The following P2RX6 variants were observed in gnomAD, a reference collection of about 807,000 sequenced individuals.
The protein encoded by P2RX6 is P2X purinoceptor 6.
P2RX6 carries 62 observed loss-of-function variants against 54.2 expected under a neutral mutation model. The ratio of observed to expected loss-of-function variants is 1.14; its 90% CI spans 0.93 to 1.41. The LOEUF is 1.41. Among genes scored for constraint, P2RX6 ranks in the 40% most tolerant of loss-of-function variants. The pLI, the probability that P2RX6 is intolerant of heterozygous loss-of-function variation, is 0.00. For synonymous variants in P2RX6, 211 were observed against 231.9 expected (o/e 0.91, Z 0.82); for missense variants, 541 against 566.3 (o/e 0.96, Z 0.45).
At chr22:21,011,647 T>G, upstream of P2RX6, 1 of 639,930 alleles carries the variant, frequency 1.6e-6, no homozygotes, top group Non-Finnish European at 2.9e-6. Flanking sequence ...ACCACCCCCC[T>G]CCCCCCTCTT....
At position 21,022,958 on chromosome 22, in the gene P2RX6, G is replaced by T. The variant is rs774749578; in HGVS notation, c.480G>T (p.Gln160His). 1.2e-6 allele frequency: 2 copies of T among 1,613,770 alleles called. No individual in the cohort carries two copies. The highest frequency in any genetic ancestry group is 1.7e-6 in the Non-Finnish European group (2 of 1,179,672). ...GTHSHGVKTGQCVVFNGTHRT... is the reference protein window; with the variant it reads ...GTHSHGVKTGHCVVFNGTHRT... ...GTTTTCTAGGTGTAAAAACAGGCCA[G>T]TGTGTGGTGTTCAATGGGACCCACA... The change falls in exon 5 of 12, where the codon CAG becomes CAT. Residue 160 changes from glutamine to histidine, a missense_variant. This residue lies in a region of P2RX6 where 526 missense variants were observed against 531.5 expected (regional missense o/e 0.99). Coordinates refer to ENST00000413302, the MANE Select transcript of P2RX6 (RefSeq NM_005446.5).
rs749384692 is a variant in P2RX6 at position 21,016,021 on chromosome 22, G to A, written c.244G>A (p.Val82Ile). The A allele has an allele frequency of 4.8e-5, 75 of 1,554,144 alleles. No homozygotes were observed. The highest frequency in any genetic ancestry group is 6.4e-5 in the Non-Finnish European group (73 of 1,149,510). ...TTCCATCATCACCAAACTCAAAGGG[G>A]TTTCCGTCACTCAGATCAAGGAGCT... is the stretch of plus-strand genomic sequence containing the variant. ...QFSIITKLKG[V>I]SVTQIKELGN... Residue 82 changes from valine (V) to isoleucine (I), a missense_variant, in exon 2 of 12, where the codon GTT becomes ATT. Around this residue, in one of 2 missense-constraint regions of P2RX6, gnomAD observed 526 missense variants for 531.5 expected, o/e 0.99. Transcript: ENST00000413302.
At position 21,024,063 on chromosome 22, in the gene P2RX6, C is replaced by T. The variant is rs568541262; in HGVS notation, c.890+445C>T. Reference sequence around the variant, plus strand: ...CTCTGCTTCCTGGGTTCAACCGATTCTCCTTCCTCAGCCTCCTGAGTAGCT... The same window carrying T: ...CTCTGCTTCCTGGGTTCAACCGATTTTCCTTCCTCAGCCTCCTGAGTAGCT... On this transcript the variant is annotated intron_variant, in intron 8 of 11. Coordinates refer to ENST00000413302, the MANE Select transcript of P2RX6 (RefSeq NM_005446.5). 2.6e-5 allele frequency among the ~76,000 whole-genome samples: 4 copies of T among 151,068 alleles called. No individual in the cohort carries two copies. In the South Asian group the frequency reaches 6.3e-4, roughly 24 times the overall value.
In P2RX6 at chr22:21,016,054, C is replaced by G. The variant is rs375808734; in HGVS notation, c.277C>G (p.Arg93Gly). ...CACTCAGATCAAGGAGCTTGGAAAC[C>G]GGCTGTGGGATGTGGCCGACTTCGT... ...SVTQIKELGNRLWDVADFVKP... is the reference protein window; with the variant it reads ...SVTQIKELGNGLWDVADFVKP... Residue 93 changes from arginine (R) to glycine (G), a missense_variant, in exon 2 of 12, where the codon CGG (arginine) becomes GGG (glycine). Physicochemically the swap from Arg to Gly is moderately radical, Grantham distance 125. Coordinates refer to ENST00000413302, the MANE Select transcript of P2RX6 (RefSeq NM_005446.5). 5.1e-6 allele frequency: 8 copies of G among 1,562,582 alleles called. No homozygotes were observed. The highest frequency in any genetic ancestry group is 2.3e-4 in the Middle Eastern group (1 of 4,404).
At chr22:21,012,331 T>C (rs1925779908), upstream of P2RX6, among the ~76,000 whole-genome samples, 1 of 152,098 alleles carries the variant, frequency 6.6e-6, no homozygotes. Context: ...AGGAAGGGAC[T>C]TGTATCCAGC....
chr22:21,024,898 T>TTTTA lies in P2RX6; in HGVS notation c.891-907_891-906insTTTA, dbSNP rs1207446357. On this transcript the variant is annotated intron_variant, in intron 8 of 11. Transcript: ENST00000413302. ...TTTGTGTTTTTTTTTTTTTTTTTTT[T>TTTTA]AGATGAAGTTTTGCTCTTGTTGCCC... Among the ~76,000 whole-genome samples, 3 of 147,740 alleles carry TTTTA rather than the reference T, an allele frequency of 2.0e-5. No individual in the cohort carries two copies. The East Asian group carries it at 6.0e-4, about 30-fold the overall frequency.
Position 21,025,890 on chromosome 22 carries a change from A to G in P2RX6, c.976A>G (p.Thr326Ala). Reference sequence around the variant, plus strand: ...TGGAATCCGCTTCGACATCCTCGTCACCGGGCAGGTAGGCACAGGTAGGGG... The same window carrying G: ...TGGAATCCGCTTCGACATCCTCGTCGCCGGGCAGGTAGGCACAGGTAGGGG... ...LYGIRFDILV[T>A]GQAGKFGLIP... Residue 326 changes from threonine (T) to alanine (A), a missense_variant, in exon 9 of 12, where the codon ACC (threonine) becomes GCC (alanine). Physicochemically the swap from Thr to Ala is moderately conservative, Grantham distance 58. Coordinates refer to ENST00000413302, the MANE Select transcript of P2RX6 (RefSeq NM_005446.5). 1 of 1,577,882 alleles carries G rather than the reference A, an allele frequency of 6.3e-7. No homozygotes were observed. The highest frequency in any genetic ancestry group is 8.6e-7 in the Non-Finnish European group (1 of 1,162,288).
chr22:21,026,102 G>A lies in P2RX6; in HGVS notation c.1050+26G>A, dbSNP rs745869752. On this transcript the variant is annotated intron_variant, in intron 10 of 11. Coordinates refer to ENST00000413302, the MANE Select transcript of P2RX6 (RefSeq NM_005446.5). This position sits in a 1 kb window ranked among gnomAD's most constrained non-coding sequence, Gnocchi z 4.0. ...GTGAGTGCGAGCACTGTGGGCACCT[G>A]CAGGCTGCAGTGAGTGCTGCTGACC... The A allele has an allele frequency of 2.7e-5, 43 of 1,598,598 alleles. No homozygotes were observed. The South Asian group carries it at 4.7e-4, about 18-fold the overall frequency.
rs759401299 is a variant in P2RX6 at position 21,015,204 on chromosome 22, C to T, written c.30C>T (p.Ser10=). 26 of 1,519,772 alleles carry T rather than the reference C, an allele frequency of 1.7e-5. No homozygotes were observed. The highest frequency in any genetic ancestry group is 2.0e-5 in the Non-Finnish European group (23 of 1,143,204). The allele number at this position is 1,519,772 out of a possible 1,614,324, so 94.1% of individuals were successfully genotyped here. MCPQLAGAG[S]MGSPGATTGW... ...GCCCGCAGCTAGCAGGAGCTGGCAG[C>T]ATGGGCTCCCCAGGGGCTACGACAG... The change falls in exon 1 of 12, where the codon AGC becomes AGT. Residue 10 remains serine, a synonymous_variant. Transcript: ENST00000413302.
At chr22:21,023,955 CTTTG>C (rs1023784596) in intron 8 of P2RX6, among the ~76,000 whole-genome samples, 14 of 126,428 alleles carry the variant, frequency 1.1e-4, no homozygotes, top group Non-Finnish European at 1.9e-4. Context: ...TCCCCTTCAG[CTTTG>C]TTTTTTTTTT....
upstream of P2RX6, chr22:21,011,306 G>A (rs910702363): frequency 8.7e-5 from 51 of 583,956 alleles, 3 homozygotes; most frequent in Non-Finnish European, 8.6e-5. Flanking sequence ...GATGTGCAGC[G>A]CGGTCCTGCC....
upstream of P2RX6, chr22:21,013,197 A>G (rs191950916): frequency 3.2e-3 from 512 of 161,972 alleles, 1 homozygote; most frequent in African/African-American, 0.011. Flanking sequence ...GGTAGGAGAC[A>G]GGGGGATGAA....
upstream of P2RX6, chr22:21,014,376 C>G (rs1192871415): frequency 6.6e-6 from 1 of 152,386 alleles, no homozygotes; most frequent in African/African-American, 2.4e-5. Context: ...GCGACGCGCT[C>G]CCCCGCGGCG....
At chr22:21,019,503 G>A (rs576952410) in intron 3 of P2RX6, among the ~76,000 whole-genome samples, 76 of 152,184 alleles carry the variant, frequency 5.0e-4, no homozygotes, top group African/African-American at 1.6e-3. Flanking sequence ...AAGTAGAGAC[G>A]GGGTTTCACC....
At chr22:21,025,608 G>C (rs1218752044) in intron 8 of P2RX6, among the ~76,000 whole-genome samples, 197 bp from the exon 9 acceptor site, 4 of 152,220 alleles carry the variant, frequency 2.6e-5, no homozygotes, top group African/African-American at 9.6e-5. Flanking sequence ...CCTCTCAGCA[G>C]GCAGGGAACT....
chr22:21,024,440 G>A (rs112169144), intron 8 of P2RX6, among the ~76,000 whole-genome samples: 24,876 of 151,696 alleles, frequency 0.16, 2,239 homozygotes, highest in Non-Finnish European at 0.19. Flanking sequence ...TCCACGCCCG[G>A]CTAATTTTTG....
rs777160180 is a variant in P2RX6 at position 21,015,930 on chromosome 22, TCTC to T, written c.165-7_165-5del. ...TGGGGACACACCACACTGCCCGACT[TCTC>T]CTCCCCAGGTGGGCTCTCCTCGCCA... On this transcript the variant is annotated splice_polypyrimidine_tract_variant and intron_variant, in intron 1 of 11. Coordinates refer to ENST00000413302, the MANE Select transcript of P2RX6 (RefSeq NM_005446.5). The T allele has an allele frequency of 3.5e-5, 54 of 1,549,122 alleles. No individual in the cohort carries two copies. Among genetic ancestry groups the T allele is most frequent in the South Asian group, 4.8e-5 (4 of 83,964 alleles).
Position 21,023,085 on chromosome 22 carries a change from T to G in P2RX6, c.558-33T>G. The G allele has an allele frequency of 3.7e-6, 6 of 1,612,730 alleles. No individual in the cohort carries two copies. In the South Asian group the frequency reaches 6.6e-5, roughly 18 times the overall value. On this transcript the variant is annotated intron_variant, in intron 5 of 11. Coordinates refer to ENST00000413302, the MANE Select transcript of P2RX6 (RefSeq NM_005446.5). ...CCCAACTGGCGCAGGGCCCCAGGCC[T>G]GGCAGAGGCTGTCACCTCCCTTCCA... is the stretch of plus-strand genomic sequence containing the variant.
chr22:21,012,398 G>GC (rs1418364364), upstream of P2RX6: 32 of 355,202 alleles, frequency 9.0e-5, no homozygotes, highest in African/African-American at 4.9e-4. Flanking sequence ...CTGTGATGAG[G>GC]CCCCTCCTCT....
Sources: allele counts gnomAD v4.1 joint callset (sites outside exome capture counted in the v4.1 genomes callset), GRCh38; gene constraint gnomAD v4.1.1; regional missense constraint gnomAD v4.1.1; non-coding constraint Gnocchi (gnomAD v3.1); transcripts MANE v1.5; gene names NCBI Gene and HGNC (gene_info 2026-07-23, HGNC 2026-07-21).